The following PPP2R2C variants were observed in gnomAD, a reference collection of about 807,000 sequenced individuals.
PPP2R2C encodes the protein protein phosphatase 2, regulatory subunit B, gamma.
PPP2R2C carries 10 observed loss-of-function variants against 45.3 expected under a neutral mutation model. That is an observed-to-expected ratio of 0.22 (90% CI 0.14 to 0.37). The LOEUF (loss-of-function observed/expected upper bound fraction) is 0.37, where lower values mean the gene tolerates loss of function less well. Among genes scored for constraint, PPP2R2C ranks in the 10% least tolerant of loss-of-function variants. The pLI, the probability that PPP2R2C is intolerant of heterozygous loss-of-function variation, is 1.00. For missense variants in PPP2R2C, 308 were observed against 619.7 expected, an observed-to-expected ratio of 0.50 and a Z score of 5.34; for synonymous variants, 257 against 245.4, an observed-to-expected ratio of 1.05 and a Z score of -0.44.
At position 6,347,118 on chromosome 4, in the gene PPP2R2C, C is replaced by T. The variant is rs557947067; in HGVS notation, c.790+728G>A. ...AGTGCCAGGCAGCCCAGCTCTGCCA[C>T]GATTGAATTTGGGTGACCTTGGGCC... On this transcript the variant is annotated intron_variant, in intron 6 of 8. Transcript: ENST00000382599. Among the ~76,000 whole-genome samples, 27 of 152,260 alleles carry T rather than the reference C, an allele frequency of 1.8e-4. No individual in the cohort carries two copies. In the South Asian group the frequency reaches 3.7e-3, roughly 21 times the overall value.
intron 2 of PPP2R2C, among the ~76,000 whole-genome samples, chr4:6,507,027 G>A (rs1241191965): frequency 6.6e-6 from 1 of 152,118 alleles, no homozygotes; most frequent in African/African-American, 2.4e-5. Context: ...AGACATCCTA[G>A]GAGGAGGATC....
chr4:6,363,735 C>T (rs1483765594), intron 5 of PPP2R2C, among the ~76,000 whole-genome samples: 1 of 152,108 alleles, frequency 6.6e-6, no homozygotes, highest in Admixed American at 6.5e-5. Flanking sequence ...GCTGGCAAGA[C>T]ACAAGGTCAC....
intron 5 of PPP2R2C, among the ~76,000 whole-genome samples, chr4:6,353,127 T>A (rs1482963821): frequency 3.3e-5 from 5 of 151,910 alleles, no homozygotes; most frequent in African/African-American, 7.3e-5. Flanking sequence ...TGAGAATATA[T>A]CTGTATTTTG....
intron 1 of PPP2R2C, among the ~76,000 whole-genome samples, chr4:6,558,039 C>A (rs1401787824): frequency 6.6e-6 from 1 of 152,110 alleles, no homozygotes; most frequent in African/African-American, 2.4e-5. Flanking sequence ...CAGCACCCAT[C>A]CTCTTAAAGG....
intron 1 of PPP2R2C, among the ~76,000 whole-genome samples, chr4:6,457,213 A>AAAAAAAC (rs1721088778): frequency 6.6e-6 from 1 of 151,572 alleles, no homozygotes; most frequent in Non-Finnish European, 1.5e-5. Context: ...ATCTCAAAAA[A>AAAAAAAC]AAAAAAAAAA....
At position 6,529,128 on chromosome 4, in the gene PPP2R2C, G is replaced by C. The variant is rs78165289; in HGVS notation, c.49+6143C>G. On this transcript the variant is annotated intron_variant, in intron 2 of 9. Coordinates refer to the PPP2R2C transcript ENST00000506140. ...CCTCACAGGGACAGGGAAGGGGGCAGCTGGAGGACGAGGGGCTGCTGGGCC... is the reference window on the plus strand; with the variant it reads ...CCTCACAGGGACAGGGAAGGGGGCACCTGGAGGACGAGGGGCTGCTGGGCC... Among the ~76,000 whole-genome samples, 385 of 152,382 alleles carry C rather than the reference G, an allele frequency of 2.5e-3. 2 individuals are homozygous for C. Among genetic ancestry groups the C allele is most frequent in the African/African-American group, 8.8e-3 (365 of 41,592 alleles).
At chr4:6,357,587 C>A (rs73076945) in intron 5 of PPP2R2C, among the ~76,000 whole-genome samples, 7,343 of 152,296 alleles carry the variant, frequency 0.048, 583 homozygotes, top group African/African-American at 0.17. Flanking sequence ...GCGATGCAGT[C>A]TTGCTTGGGT....
At chr4:6,483,085 A>C (rs1560578838) in intron 2 of PPP2R2C, among the ~76,000 whole-genome samples, 2 of 151,714 alleles carry the variant, frequency 1.3e-5, no homozygotes, top group African/African-American at 4.8e-5. Context: ...TGAACTTCAC[A>C]TGGTAATTAG....
intron 2 of PPP2R2C, among the ~76,000 whole-genome samples, chr4:6,512,359 ATGGTGGTGGTGG>A (rs375130684): frequency 1.0e-3 from 11 of 10,972 alleles, no homozygotes; most frequent in African/African-American, 3.3e-3. Context: ...GATGGTGCTG[ATGGTGGTGGTGG>A]TGGTGGTGGT....
At chr4:6,459,725 T>C (rs1213774025) in intron 1 of PPP2R2C, among the ~76,000 whole-genome samples, 1 of 152,154 alleles carries the variant, frequency 6.6e-6, no homozygotes, top group East Asian at 1.9e-4. Context: ...AGGCAGAGGT[T>C]GCAGTGAGCC....
intron 1 of PPP2R2C, among the ~76,000 whole-genome samples, chr4:6,444,939 C>T (rs920065467): frequency 2.6e-5 from 4 of 152,306 alleles, no homozygotes; most frequent in Admixed American, 2.0e-4. Flanking sequence ...AATCCCAGCA[C>T]TTTGAGAGGC....
At chr4:6,547,702 G>A (rs1338177817) in intron 1 of PPP2R2C, among the ~76,000 whole-genome samples, 2 of 152,116 alleles carry the variant, frequency 1.3e-5, no homozygotes, top group Admixed American at 6.5e-5. Context: ...AATGGGCCTG[G>A]GGCAGGTGCA....
At chr4:6,537,819 G>C (rs1047720467) in intron 1 of PPP2R2C, among the ~76,000 whole-genome samples, 2 of 152,028 alleles carry the variant, frequency 1.3e-5, no homozygotes, top group African/African-American at 2.4e-5. Flanking sequence ...CAAAGTGCTG[G>C]GATTACAGGT....
chr4:6,512,200 A>G (rs374943578), intron 2 of PPP2R2C, among the ~76,000 whole-genome samples: 624 of 10,340 alleles, frequency 0.06, 1 homozygote, highest in Middle Eastern at 0.12. Context: ...GGTGGTGGTG[A>G]TGGTGGTGGT....
intron 5 of PPP2R2C, among the ~76,000 whole-genome samples, chr4:6,370,411 A>G (rs1421230232): frequency 6.6e-6 from 1 of 152,160 alleles, no homozygotes; most frequent in African/African-American, 2.4e-5. Context: ...GCAGACCTGG[A>G]GCTCCTGCTA....
chr4:6,555,153 C>T (rs752360869), intron 1 of PPP2R2C, among the ~76,000 whole-genome samples: 4 of 152,050 alleles, frequency 2.6e-5, no homozygotes, highest in Non-Finnish European at 5.9e-5. Context: ...TCTGCCTCGG[C>T]CTCTTTTATA....
intron 1 of PPP2R2C, chr4:6,384,527 G>C (rs748970985): frequency 1.0e-6 from 1 of 974,702 alleles, no homozygotes; most frequent in African/African-American, 1.8e-5. Context: ...TATATAAAAC[G>C]CTGCACATAC....
intron 1 of PPP2R2C, among the ~76,000 whole-genome samples, chr4:6,394,037 C>G (rs960429067): frequency 6.6e-6 from 1 of 152,218 alleles, no homozygotes; most frequent in African/African-American, 2.4e-5. Context: ...TTCCTTCTTG[C>G]AACACAGGCT....
chr4:6,405,204 G>A (rs1198882115), intron 1 of PPP2R2C, among the ~76,000 whole-genome samples: 1 of 152,166 alleles, frequency 6.6e-6, no homozygotes, highest in African/African-American at 2.4e-5. Context: ...CCGTTTTACA[G>A]ATGAGGAAGC....
Sources: gnomAD v4.1 joint callset for allele counts (sites outside exome capture counted in the v4.1 genomes callset) on GRCh38, gnomAD v4.1.1 for gene constraint, MANE v1.5 for transcripts, NCBI Gene and HGNC (gene_info 2026-07-23, HGNC 2026-07-21) for gene names.